The following EHD4 variants were observed in gnomAD, a reference collection of about 807,000 sequenced individuals.
EHD4 encodes the protein EH domain containing 4.
A neutral mutation model predicts 51.0 loss-of-function variants in EHD4; 37 were observed. That is an observed-to-expected ratio of 0.73 (90% confidence interval 0.56 to 0.95). EHD4 has a LOEUF of 0.95. Ranked by LOEUF, EHD4 falls within the 40% of genes least tolerant of loss-of-function variation. EHD4 has a pLI of 0.00. For synonymous variants in EHD4, 297 were observed against 317.3 expected, an observed-to-expected ratio of 0.94 and a Z score of 0.68; for missense variants, 632 against 733.1, an observed-to-expected ratio of 0.86 and a Z score of 1.59.
At chr15:41,956,529 A>G (rs1462934167) in intron 1 of EHD4, among the ~76,000 whole-genome samples, 1 of 152,242 alleles carries the variant, frequency 6.6e-6, no homozygotes, top group African/African-American at 2.4e-5. Context: ...GTTTCAAGGA[A>G]AAATATAAAT....
In EHD4 at chr15:41,964,383, G is replaced by T. The variant is rs529888102; in HGVS notation, c.236+7876C>A. ...TTTGGGAGGCCAAGGCGTGAGGATC[G>T]CTTGAGCTCAGGAGTTTGAGACCAG... On this transcript the variant is annotated intron_variant, in intron 1 of 5. Transcript: ENST00000220325. 2.0e-5 allele frequency among the ~76,000 whole-genome samples: 3 copies of T among 152,202 alleles called. No homozygotes were observed. The East Asian group carries it at 5.8e-4, about 29-fold the overall frequency.
chr15:41,937,709 C>T (rs1355951100), intron 3 of EHD4, among the ~76,000 whole-genome samples: 7 of 152,204 alleles, frequency 4.6e-5, no homozygotes, highest in African/African-American at 7.2e-5. Flanking sequence ...CTTCAAAATC[C>T]GGTCTTTTGT....
At chr15:41,924,900 T>C (rs908975973) in intron 3 of EHD4, among the ~76,000 whole-genome samples, 7 of 151,784 alleles carry the variant, frequency 4.6e-5, no homozygotes, top group Admixed American at 1.3e-4. Context: ...CTACTAAAAA[T>C]ACAAAAATTA....
At position 41,911,784 on chromosome 15, in the gene EHD4, T is replaced by C. The variant is rs372033888; in HGVS notation, c.925-1921A>G. Among the ~76,000 whole-genome samples, 9 of 152,276 alleles carry C rather than the reference T, an allele frequency of 5.9e-5. 1 individual carries two copies. The South Asian group carries it at 1.9e-3, about 32-fold the overall frequency. On this transcript the variant is annotated intron_variant, in intron 4 of 5. Transcript: ENST00000220325. ...ATTGAGACCACCCCCTTCCCTGCTC[T>C]GGGGCCTAGCCCTGGAGCAGCTGCC...
At chr15:41,956,360 C>T (rs2067888013) in intron 1 of EHD4, among the ~76,000 whole-genome samples, 1 of 152,120 alleles carries the variant, frequency 6.6e-6, no homozygotes, top group South Asian at 2.1e-4. Flanking sequence ...GGTGAGCATA[C>T]GGATATCGTA....
At chr15:41,936,737 A>G (rs1595538917) in intron 3 of EHD4, among the ~76,000 whole-genome samples, 1 of 152,242 alleles carries the variant, frequency 6.6e-6, no homozygotes, top group African/African-American at 2.4e-5. Context: ...GGGGCTGGCG[A>G]ACGCTGTTGT....
chr15:41,900,952 T>C lies in EHD4; in HGVS notation c.1319A>G (p.Glu440Gly), dbSNP rs1426261854. ...GEGAKEGADEEEWVVAKDKPV... is the reference protein window; with the variant it reads ...GEGAKEGADEGEWVVAKDKPV... ...CTTGTCTTTGGCCACGACCCACTCC[T>C]CCTCGTCGGCGCCCTCCTTGGCACC... Residue 440 changes from glutamate to glycine, a missense_variant, in exon 6 of 6, where the codon GAG (glutamate) becomes GGG (glycine). Transcript: ENST00000220325. The surrounding 1 kb of genome is among the most constrained non-coding windows in gnomAD (Gnocchi z 4.8). 6.2e-7 allele frequency: 1 copy of C among 1,613,166 alleles called. No individual in the cohort carries two copies. The highest frequency in any genetic ancestry group is 8.5e-7 in the Non-Finnish European group (1 of 1,179,284).
intron 5 of EHD4, among the ~76,000 whole-genome samples, chr15:41,909,086 G>A (rs572263599): frequency 1.3e-5 from 2 of 152,362 alleles, no homozygotes; most frequent in African/African-American, 4.8e-5. Flanking sequence ...TAGATATGCC[G>A]GTCAGGGCAG....
At chr15:41,922,551 G>A (rs1283287294) in intron 3 of EHD4, among the ~76,000 whole-genome samples, 3 of 152,188 alleles carry the variant, frequency 2.0e-5, no homozygotes, top group South Asian at 2.1e-4. Context: ...CAACCCTGCC[G>A]TGCTTGTGCC....
intron 3 of EHD4, among the ~76,000 whole-genome samples, chr15:41,926,984 A>G (rs2067666700): frequency 6.6e-6 from 1 of 152,320 alleles, no homozygotes; most frequent in South Asian, 2.1e-4. Flanking sequence ...TAGCAGCCTG[A>G]GAGCAGGGCC....
chr15:41,946,405 G>A (rs1249073675), intron 2 of EHD4, among the ~76,000 whole-genome samples: 3 of 152,154 alleles, frequency 2.0e-5, no homozygotes, highest in Non-Finnish European at 4.4e-5. Context: ...GAGGTCTCAG[G>A]CAAGCTGCTA....
At chr15:41,949,710 G>A (rs1298152552) in intron 2 of EHD4, among the ~76,000 whole-genome samples, 2 of 151,984 alleles carry the variant, frequency 1.3e-5, no homozygotes, top group Non-Finnish European at 1.5e-5. Context: ...TTTCTTCTGT[G>A]GAAGATAACA....
chr15:41,961,236 T>C (rs978839482), intron 1 of EHD4, among the ~76,000 whole-genome samples: 2 of 152,246 alleles, frequency 1.3e-5, no homozygotes, highest in Non-Finnish European at 2.9e-5. Context: ...CACTGCTGTC[T>C]ACCCACTGCC....
chr15:41,940,257 TG>T (rs1468680104), intron 3 of EHD4, among the ~76,000 whole-genome samples: 1 of 152,144 alleles, frequency 6.6e-6, no homozygotes, highest in Non-Finnish European at 1.5e-5. Context: ...ATAAAGTCAG[TG>T]GGGGATGCTT....
chr15:41,965,284 AAT>A (rs1299132264), intron 1 of EHD4, among the ~76,000 whole-genome samples: 4 of 152,220 alleles, frequency 2.6e-5, no homozygotes. Flanking sequence ...GACATAAGAA[AAT>A]GCTCATCGTA....
At chr15:41,969,903 G>A (rs1251529970) in intron 1 of EHD4, among the ~76,000 whole-genome samples, 2 of 152,190 alleles carry the variant, frequency 1.3e-5, no homozygotes, top group African/African-American at 4.8e-5. Context: ...AAGCCAGGGA[G>A]ATAAGAATCT....
chr15:41,911,380 T>C lies in EHD4; in HGVS notation c.925-1517A>G, dbSNP rs138852804. On this transcript the variant is annotated intron_variant, in intron 4 of 5. Transcript: ENST00000220325. ...TAGAGATAACTTGAGAAACCCGAAGTTTGGGATCCGTTATTTAGAATCCTG... is the reference window on the plus strand; with the variant it reads ...TAGAGATAACTTGAGAAACCCGAAGCTTGGGATCCGTTATTTAGAATCCTG... Among the ~76,000 whole-genome samples, 1,156 of 152,264 alleles carry C rather than the reference T, an allele frequency of 7.6e-3. 20 individuals carry two copies. Among genetic ancestry groups the C allele is most frequent in the African/African-American group, 0.026 (1,096 of 41,536 alleles).
chr15:41,936,047 T>C (rs187319509), intron 3 of EHD4, among the ~76,000 whole-genome samples: 50 of 152,382 alleles, frequency 3.3e-4, no homozygotes, highest in Admixed American at 1.4e-3. Context: ...GTTGGACTTT[T>C]TAGATGGCAT....
intron 2 of EHD4, among the ~76,000 whole-genome samples, chr15:41,952,993 C>T (rs1409824063): frequency 8.9e-6 from 1 of 112,514 alleles, no homozygotes; most frequent in Non-Finnish European, 1.8e-5. Context: ...CTATCTTCCC[C>T]CCCGCAAAAA....
Sources: gnomAD v4.1 joint callset for allele counts (sites outside exome capture counted in the v4.1 genomes callset) on GRCh38, gnomAD v4.1.1 for gene constraint, Gnocchi (gnomAD v3.1) non-coding constraint, MANE v1.5 for transcripts, NCBI Gene and HGNC (gene_info 2026-07-23, HGNC 2026-07-21) for gene names.